BLNK: variants seen among roughly 807,000 people sequenced by gnomAD.
The protein encoded by BLNK is B cell linker.
In BLNK, 29 loss-of-function variants were observed where a neutral mutation model predicts 73.5. That is an observed-to-expected ratio of 0.39 (90% CI 0.29 to 0.54). The LOEUF (loss-of-function observed/expected upper bound fraction) is 0.54, where lower values mean the gene tolerates loss of function less well. BLNK is among the 20% of genes least tolerant of loss of function. BLNK has a pLI of 0.61. For synonymous variants in BLNK, 176 were observed against 200.8 expected (o/e 0.88, Z 1.04); for missense variants, 460 against 562.8 (o/e 0.82, Z 1.85).
At chr10:96,235,177 T>C (rs183184419) in intron 3 of BLNK, among the ~76,000 whole-genome samples, 4 of 152,348 alleles carry the variant, frequency 2.6e-5, no homozygotes, top group Admixed American at 1.3e-4. Flanking sequence ...TTAGAATCCT[T>C]ATTCTGCCAT....
At chr10:96,232,598 C>T (rs1320993678) in intron 3 of BLNK, among the ~76,000 whole-genome samples, 2 of 152,082 alleles carry the variant, frequency 1.3e-5, no homozygotes, top group Non-Finnish European at 2.9e-5. Flanking sequence ...ATGATAGGTG[C>T]TAAGAAAGAG....
chr10:96,254,854 A>G (rs938248605), intron 1 of BLNK, among the ~76,000 whole-genome samples: 3 of 152,302 alleles, frequency 2.0e-5, no homozygotes, highest in African/African-American at 7.2e-5. Flanking sequence ...CCTTACATCA[A>G]TTGGCAGTCT....
At chr10:96,211,219 G>A (rs1277673025) in intron 8 of BLNK, among the ~76,000 whole-genome samples, 1 of 152,136 alleles carries the variant, frequency 6.6e-6, no homozygotes, top group Non-Finnish European at 1.5e-5. Flanking sequence ...TGGACCTGCT[G>A]CCCTCAGTCT....
At chr10:96,201,519 G>T (rs2083634146) in intron 13 of BLNK, among the ~76,000 whole-genome samples, 1 of 151,980 alleles carries the variant, frequency 6.6e-6, no homozygotes, top group Non-Finnish European at 1.5e-5. Context: ...TTTTTAAATG[G>T]ATTAATAAAT....
chr10:96,210,862 C>CGTTTTT (rs1554898562), intron 8 of BLNK, among the ~76,000 whole-genome samples: 3 of 140,310 alleles, frequency 2.1e-5, no homozygotes, highest in Non-Finnish European at 1.5e-5. Flanking sequence ...TCCACAATTC[C>CGTTTTT]GTTTTTTTTT....
chr10:96,261,954 C>G (rs141843171), intron 1 of BLNK, among the ~76,000 whole-genome samples: 9 of 152,282 alleles, frequency 5.9e-5, no homozygotes, highest in Admixed American at 1.3e-4. Flanking sequence ...TCATTTCACT[C>G]TAGGTACGAG....
chr10:96,201,906 A>G (rs1400290139), intron 13 of BLNK, among the ~76,000 whole-genome samples: 3 of 152,204 alleles, frequency 2.0e-5, no homozygotes, highest in Non-Finnish European at 4.4e-5. Flanking sequence ...AAATATATAT[A>G]TAATGTTAGA....
Position 96,254,992 on chromosome 10 carries a change from C to T in BLNK, c.48-7943G>A, listed in dbSNP as rs75036045. 2.0e-3 allele frequency among the ~76,000 whole-genome samples: 297 copies of T among 152,274 alleles called. 9 individuals carry two copies. In the East Asian group the frequency reaches 0.047, roughly 24 times the overall value. On this transcript the variant is annotated intron_variant, in intron 1 of 16. Transcript: ENST00000224337. ...AGGCCTTGCCCCCGACCATTTAAAC[C>T]AGAGTCATTGACTCTCAGGGGATCC...
In BLNK at chr10:96,219,276, A is replaced by G. The variant is rs587680283; in HGVS notation, c.526-2542T>C. The stretch of plus-strand genomic sequence containing the variant: ...GGATGGGCTGACTTAGCAGCTTTGA[A>G]TAATGGGATGTTGAGTGGCTGCGGA... On this transcript the variant is annotated intron_variant, in intron 6 of 16. Coordinates refer to ENST00000224337, the MANE Select transcript of BLNK (RefSeq NM_013314.4). Among the ~76,000 whole-genome samples the G allele has an allele frequency of 9.2e-5, 14 of 152,346 alleles. No individual in the cohort carries two copies. In the East Asian group the frequency reaches 2.3e-3, roughly 25 times the overall value.
At position 96,227,545 on chromosome 10, in the gene BLNK, C is replaced by G; in HGVS notation, c.226G>C (p.Asp76His). The change falls in exon 5 of 17, where the codon GAT (aspartate) becomes CAT (histidine). Residue 76 changes from aspartate (D) to histidine (H), a missense_variant. Asp to His is a moderately conservative substitution (Grantham distance 81). Around this residue, in one of 3 missense-constraint regions of BLNK, gnomAD observed 139 missense variants for 187.3 expected, o/e 0.74. Coordinates refer to ENST00000224337, the MANE Select transcript of BLNK (RefSeq NM_013314.4). ...TACATCTCTGAGTCCGAGTGCTCATCTGGATTTTCATAGTCGCTGTCCTGC... is the reference window on the plus strand; with the variant it reads ...TACATCTCTGAGTCCGAGTGCTCATGTGGATTTTCATAGTCGCTGTCCTGC... ...DDFDSDYENP[D>H]EHSDSEMYVM... The G allele has an allele frequency of 6.2e-7, 1 of 1,614,146 alleles. No individual in the cohort carries two copies. The highest frequency in any genetic ancestry group is 8.5e-7 in the Non-Finnish European group (1 of 1,180,046).
intron 13 of BLNK, 76 bp from the exon 14 acceptor site, chr10:96,201,134 G>T: frequency 7.6e-7 from 1 of 1,307,498 alleles, no homozygotes; most frequent in South Asian, 1.2e-5. Context: ...CCCTAACACT[G>T]TACTAGGTGC....
At chr10:96,202,722 G>A (rs772786113) in intron 13 of BLNK, among the ~76,000 whole-genome samples, 28 of 152,200 alleles carry the variant, frequency 1.8e-4, no homozygotes, top group Non-Finnish European at 2.9e-4. Flanking sequence ...AGGTGAGTGA[G>A]TGAACAGACT....
At chr10:96,252,547 G>A (rs1204088343) in intron 1 of BLNK, among the ~76,000 whole-genome samples, 2 of 152,190 alleles carry the variant, frequency 1.3e-5, no homozygotes, top group Non-Finnish European at 2.9e-5. Context: ...TAAATTGGGT[G>A]GTCAATTGGA....
At chr10:96,265,670 A>C (rs1843966693) in intron 1 of BLNK, among the ~76,000 whole-genome samples, 1 of 152,258 alleles carries the variant, frequency 6.6e-6, no homozygotes, top group African/African-American at 2.4e-5. Flanking sequence ...GACCACAACA[A>C]TGGCAAAGAT....
At position 96,244,319 on chromosome 10, in the gene BLNK, C is replaced by T. The variant is rs140108986; in HGVS notation, c.114-1535G>A. Among the ~76,000 whole-genome samples the T allele has an allele frequency of 6.3e-3, 957 of 152,286 alleles. 8 individuals are homozygous for T. The highest frequency in any genetic ancestry group is 0.021 in the African/African-American group (860 of 41,554). On this transcript the variant is annotated intron_variant, in intron 2 of 16. Coordinates refer to ENST00000224337, the MANE Select transcript of BLNK (RefSeq NM_013314.4). ...ATAGTAAAATTTCCAAAAGCACAAA[C>T]CACCTGTTATCCATTATTACTATCA...
chr10:96,199,467 C>T (rs1331781543), intron 15 of BLNK: 1 of 459,316 alleles, frequency 2.2e-6, no homozygotes, highest in Non-Finnish European at 4.4e-6. Flanking sequence ...AGCACCAAGC[C>T]TTCCATAGAC....
At chr10:96,259,440 C>T (rs1843650146) in intron 1 of BLNK, among the ~76,000 whole-genome samples, 1 of 151,964 alleles carries the variant, frequency 6.6e-6, no homozygotes, top group African/African-American at 2.4e-5. Flanking sequence ...CCTCTGGGGT[C>T]TGGAATATGC....
chr10:96,203,871 C>A, intron 13 of BLNK, 186 bp downstream of exon 13: 2 of 434,124 alleles, frequency 4.6e-6, no homozygotes, highest in South Asian at 5.8e-5. Flanking sequence ...AATATATTTA[C>A]TTTTCAAAAC....
At chr10:96,270,833 A>G (rs1346211924) in intron 1 of BLNK, among the ~76,000 whole-genome samples, 1 of 152,174 alleles carries the variant, frequency 6.6e-6, no homozygotes. Context: ...ATATTGTTAC[A>G]TTGACATGAG....
Sources: gnomAD v4.1 joint callset for allele counts (sites outside exome capture counted in the v4.1 genomes callset) on GRCh38, gnomAD v4.1.1 for gene constraint, gnomAD v4.1.1 regional missense constraint, MANE v1.5 for transcripts, NCBI Gene and HGNC (gene_info 2026-07-23, HGNC 2026-07-21) for gene names.